Variants in PDE10A observed in about 807,000 individuals in gnomAD.
PDE10A encodes cAMP and cAMP-inhibited cGMP 3',5'-cyclic phosphodiesterase 10A.
In PDE10A, 39 loss-of-function variants were observed where a neutral mutation model predicts 97.7. The observed-to-expected ratio is 0.40, with a 90% CI of 0.31 to 0.52. The LOEUF is 0.52. PDE10A is among the 20% of genes least tolerant of loss of function. The pLI is 0.56. For missense variants in PDE10A, 731 were observed against 1,047.8 expected (o/e 0.70, Z 4.17); for synonymous variants, 371 against 376.8 (o/e 0.98, Z 0.18).
intron 2 of PDE10A, among the ~76,000 whole-genome samples, chr6:165,495,823 T>TA (rs1780503100): frequency 1.3e-5 from 2 of 152,326 alleles, no homozygotes; most frequent in South Asian, 4.1e-4. Context: ...ACTGAGCACC[T>TA]ACTAAGTGCC....
At chr6:165,845,050 G>A (rs980517304) in intron 1 of PDE10A, among the ~76,000 whole-genome samples, 3 of 152,206 alleles carry the variant, frequency 2.0e-5, no homozygotes, top group Admixed American at 6.5e-5. Context: ...ATAAAGAAGC[G>A]ATATAATTCT....
chr6:165,659,723 C>T (rs1473570683), intron 1 of PDE10A, among the ~76,000 whole-genome samples: 1 of 152,212 alleles, frequency 6.6e-6, no homozygotes, highest in Non-Finnish European at 1.5e-5. Flanking sequence ...AGTCTGGTTT[C>T]TCTGATGCAC....
chr6:165,431,529 T>G, intron 7 of PDE10A, 57 bp from the exon 8 acceptor site: 1 of 589,308 alleles, frequency 1.7e-6, no homozygotes, highest in Non-Finnish European at 2.8e-6. Context: ...TATATATATA[T>G]ACTATATATA....
intron 18 of PDE10A, among the ~76,000 whole-genome samples, chr6:165,346,893 G>C (rs149730233): frequency 6.6e-6 from 1 of 152,282 alleles, no homozygotes; most frequent in East Asian, 1.9e-4. Flanking sequence ...TTATGAGGTA[G>C]TCTTAATTAT....
At chr6:165,668,942 AAGG>A (rs1304205662) in intron 1 of PDE10A, among the ~76,000 whole-genome samples, 1 of 152,154 alleles carries the variant, frequency 6.6e-6, no homozygotes, top group Non-Finnish European at 1.5e-5. Flanking sequence ...AGAACAGAAA[AAGG>A]AGAGAGAAAG....
At chr6:165,376,288 G>A (rs1784597980) in intron 18 of PDE10A, among the ~76,000 whole-genome samples, 1 of 152,212 alleles carries the variant, frequency 6.6e-6, no homozygotes, top group South Asian at 2.1e-4. Flanking sequence ...GTAGAAACTA[G>A]TGGAGCCTGA....
intron 2 of PDE10A, among the ~76,000 whole-genome samples, chr6:165,539,539 C>A (rs1226563221): frequency 1.3e-5 from 2 of 152,144 alleles, no homozygotes; most frequent in African/African-American, 2.4e-5. Flanking sequence ...GACTGAGAAC[C>A]CTTTAACAAT....
At chr6:165,593,954 T>A (rs994041532) in intron 1 of PDE10A, among the ~76,000 whole-genome samples, 34 of 152,388 alleles carry the variant, frequency 2.2e-4, no homozygotes, top group East Asian at 5.8e-4. Context: ...CAGACTAACC[T>A]ATAATGTATA....
intron 1 of PDE10A, among the ~76,000 whole-genome samples, chr6:165,595,948 T>A (rs1021573114): frequency 1.3e-5 from 2 of 152,162 alleles, no homozygotes; most frequent in Admixed American, 6.5e-5. Flanking sequence ...ATTTTGGGGC[T>A]GGGGAGGACA....
chr6:165,775,156 T>C (rs1778145282), intron 1 of PDE10A: 1 of 152,152 alleles, frequency 6.6e-6, no homozygotes, highest in Non-Finnish European at 1.5e-5. Flanking sequence ...GGGAAACTTG[T>C]TTTCTAGTTT....
intron 1 of PDE10A, among the ~76,000 whole-genome samples, chr6:165,679,027 C>T (rs1044351372): frequency 1.4e-4 from 22 of 152,192 alleles, no homozygotes; most frequent in Admixed American, 5.2e-4. Context: ...GTTCTGGATT[C>T]TCCTAAGGAT....
At chr6:165,794,419 C>A (rs990388626) in intron 1 of PDE10A, among the ~76,000 whole-genome samples, 3 of 151,656 alleles carry the variant, frequency 2.0e-5, no homozygotes, top group Non-Finnish European at 4.4e-5. Flanking sequence ...CACACTCCTA[C>A]ACTCACTCAC....
chr6:165,522,156 A>C (rs1388637517), intron 2 of PDE10A, among the ~76,000 whole-genome samples: 2 of 152,190 alleles, frequency 1.3e-5, no homozygotes, highest in African/African-American at 2.4e-5. Flanking sequence ...AATAACAAAA[A>C]GCCTACCAAC....
In PDE10A at chr6:165,516,709, ATTAT is replaced by A. The variant is rs1206859081; in HGVS notation, c.994+26727_994+26730del. ...ATGAATAGGTCACTTGTTTTTCCTCATTATTTATCCAAACAAAATCACTAGGGAA... is the reference window on the plus strand; with the variant it reads ...ATGAATAGGTCACTTGTTTTTCCTCATTATCCAAACAAAATCACTAGGGAA... On this transcript the variant is annotated intron_variant, in intron 2 of 21. Coordinates refer to ENST00000539869, the MANE Select transcript of PDE10A (RefSeq NM_001385079.1). Among the ~76,000 whole-genome samples the A allele has an allele frequency of 3.3e-5, 5 of 152,308 alleles. No individual in the cohort carries two copies. In the East Asian group the frequency reaches 5.8e-4, roughly 18 times the overall value.
At chr6:165,508,833 G>A (rs1781349683) in intron 2 of PDE10A, among the ~76,000 whole-genome samples, 2 of 151,976 alleles carry the variant, frequency 1.3e-5, no homozygotes, top group African/African-American at 2.4e-5. Context: ...AAAATTCAGT[G>A]TTAGTATGTT....
intron 1 of PDE10A, among the ~76,000 whole-genome samples, chr6:165,961,654 T>C (rs1253673616): frequency 2.0e-5 from 3 of 152,208 alleles, no homozygotes; most frequent in Non-Finnish European, 4.4e-5. Context: ...GCAGAACTCA[T>C]GGCCCCTCCA....
intron 1 of PDE10A, among the ~76,000 whole-genome samples, chr6:165,585,310 G>C (rs1246368031): frequency 6.6e-6 from 1 of 152,154 alleles, no homozygotes. Context: ...GGGGGTGATG[G>C]CCAGTTTTAT....
intron 1 of PDE10A, among the ~76,000 whole-genome samples, chr6:165,924,638 A>C (rs1782872659): frequency 6.6e-6 from 1 of 152,218 alleles, no homozygotes; most frequent in South Asian, 2.1e-4. Flanking sequence ...GCACCAGAGA[A>C]TACTAGTGGT....
At chr6:165,858,109 T>C (rs1240681554) in intron 1 of PDE10A, among the ~76,000 whole-genome samples, 1 of 152,242 alleles carries the variant, frequency 6.6e-6, no homozygotes, top group Non-Finnish European at 1.5e-5. Flanking sequence ...AGTAAAACAA[T>C]TTATTGCTTA....
Sources: gnomAD v4.1 joint callset for allele counts (sites outside exome capture counted in the v4.1 genomes callset) on GRCh38, gnomAD v4.1.1 for gene constraint, MANE v1.5 for transcripts, NCBI Gene and HGNC (gene_info 2026-07-23, HGNC 2026-07-21) for gene names.